ASH2L: variants seen among roughly 807,000 people sequenced by gnomAD.
The protein encoded by ASH2L is set1/Ash2 histone methyltransferase complex subunit ASH2.
A neutral mutation model predicts 81.1 loss-of-function variants in ASH2L; 30 were observed. The ratio of observed to expected loss-of-function variants is 0.37; its 90% CI spans 0.28 to 0.50. The LOEUF (loss-of-function observed/expected upper bound fraction) is 0.50. Ranked by LOEUF, ASH2L falls within the 20% of genes least tolerant of loss-of-function variation. The probability of loss-of-function intolerance (pLI) is 0.95; values close to 1 mark genes in which losing one functional copy is unlikely to be tolerated. For missense variants in ASH2L, 559 were observed against 792.1 expected (o/e 0.71, Z 3.53); for synonymous variants, 273 against 279.9 (o/e 0.98, Z 0.24).
At chr8:38,133,417 G>A (rs1009914085) in intron 12 of ASH2L, 37 bp from the exon 13 acceptor site, 28 of 1,466,176 alleles carry the variant, frequency 1.9e-5, no homozygotes, top group Non-Finnish European at 2.4e-5. Flanking sequence ...TGGAGCTGAT[G>A]CTTTATTGTG....
intron 12 of ASH2L, among the ~76,000 whole-genome samples, chr8:38,129,842 C>T (rs1263385894): frequency 2.0e-5 from 3 of 152,144 alleles, no homozygotes; most frequent in African/African-American, 7.2e-5. Flanking sequence ...CATGAATGTG[C>T]CCCAGTGTGT....
Position 38,105,570 on chromosome 8 carries a change from G to T in ASH2L, c.20G>T (p.Gly7Val). 1.3e-6 allele frequency: 2 copies of T among 1,580,298 alleles called. No homozygotes were observed. Among genetic ancestry groups the T allele is most frequent in the South Asian group, 2.3e-5 (2 of 88,112 alleles). Residue 7 changes from glycine (G) to valine (V), a missense_variant, in exon 1 of 16, where the codon GGA (glycine) becomes GTA (valine). Coordinates refer to ENST00000343823, the MANE Select transcript of ASH2L (RefSeq NM_004674.5). ...GCCGTGATGGCGGCGGCAGGAGCAGGACCTGGCCAGGAAGCGGGTGCCGGG... is the reference window on the plus strand; with the variant it reads ...GCCGTGATGGCGGCGGCAGGAGCAGTACCTGGCCAGGAAGCGGGTGCCGGG... MAAAGA[G>V]PGQEAGAGPG...
intron 2 of ASH2L, 71 bp from the exon 3 acceptor site, chr8:38,106,950 T>C (rs1424904631): frequency 2.5e-6 from 4 of 1,573,098 alleles, no homozygotes; most frequent in East Asian, 2.4e-5. Context: ...GACCCCCGTC[T>C]CTTAAAAAAA....
rs752807688 is a variant in ASH2L, at chr8:38,128,890, A to C, written c.1466A>C (p.Tyr489Ser). 6.2e-7 allele frequency: 1 copy of C among 1,614,120 alleles called. No homozygotes were observed. The highest frequency in any genetic ancestry group is 1.1e-5 in the South Asian group (1 of 91,078). Residue 489 changes from tyrosine to serine, a missense_variant, in exon 12 of 16, where the codon TAT (tyrosine) becomes TCT (serine). Around this residue, in one of 4 missense-constraint regions of ASH2L, gnomAD observed 318 missense variants for 527.0 expected, o/e 0.60. Coordinates refer to ENST00000343823, the MANE Select transcript of ASH2L (RefSeq NM_004674.5). ...GGACAGGGAGACGTCCTGGGATTTT[A>C]TATTAATCTTCCTGAAGACACAGAG... ...GYGQGDVLGF[Y>S]INLPEDTETA... is the part of the protein sequence containing the mutation.
chr8:38,116,322 C>A lies in ASH2L; in HGVS notation c.778-328C>A, dbSNP rs138203671. On this transcript the variant is annotated intron_variant, in intron 7 of 15. Transcript: ENST00000343823. The stretch of plus-strand genomic sequence containing the variant: ...CAGAGGTTGCAGTAAGCCGATATCG[C>A]GCCACTGCACTCCAGCCTGGGTGAC... Among the ~76,000 whole-genome samples the A allele has an allele frequency of 1.0e-3, 157 of 152,142 alleles. 1 individual carries two copies. The highest frequency in any genetic ancestry group is 3.5e-3 in the African/African-American group (147 of 41,500).
intron 12 of ASH2L, 124 bp from the exon 13 acceptor site, chr8:38,133,330 G>A (rs1802133603): frequency 1.5e-6 from 1 of 679,852 alleles, no homozygotes; most frequent in Non-Finnish European, 2.5e-6. Flanking sequence ...AAACTCAACT[G>A]CAAAGATTTT....
At chr8:38,123,277 G>T (rs1156531060) in intron 10 of ASH2L, 1 of 151,512 alleles carries the variant, frequency 6.6e-6, no homozygotes. Flanking sequence ...GTAGAGACGG[G>T]GTTTCACCGT....
At chr8:38,126,458 G>A (rs1162034420) in intron 10 of ASH2L, among the ~76,000 whole-genome samples, 1 of 152,116 alleles carries the variant, frequency 6.6e-6, no homozygotes, top group Non-Finnish European at 1.5e-5. Context: ...TAGTATTATT[G>A]TTAATTTTCT....
chr8:38,127,100 T>C (rs1801878863), intron 10 of ASH2L, among the ~76,000 whole-genome samples: 1 of 150,932 alleles, frequency 6.6e-6, no homozygotes, highest in African/African-American at 2.4e-5. Flanking sequence ...AAATCAAGGC[T>C]GTAGTGAGTC....
intron 3 of ASH2L, among the ~76,000 whole-genome samples, chr8:38,108,034 A>G (rs1810525602): frequency 6.6e-6 from 1 of 152,024 alleles, no homozygotes; most frequent in African/African-American, 2.4e-5. Flanking sequence ...TTCTGAGCTC[A>G]AGGGATCCTC....
chr8:38,122,905 A>C (rs997853932), intron 10 of ASH2L, among the ~76,000 whole-genome samples: 1 of 149,928 alleles, frequency 6.7e-6, no homozygotes, highest in Non-Finnish European at 1.5e-5. Context: ...CACCACACCT[A>C]GCTGGGTTTT....
intron 2 of ASH2L, 62 bp downstream of exon 2, chr8:38,106,506 C>CTTCT: frequency 1.0e-6 from 1 of 966,532 alleles, no homozygotes; most frequent in Non-Finnish European, 1.5e-6. Context: ...TCTTCTTCTT[C>CTTCT]TTTTTTTTTT....
chr8:38,116,425 C>T (rs192009481), intron 7 of ASH2L, among the ~76,000 whole-genome samples: 3 of 152,018 alleles, frequency 2.0e-5, no homozygotes, highest in East Asian at 1.9e-4. Context: ...CCCAGCTACT[C>T]GGGAGGGTAA....
At chr8:38,122,765 T>TA (rs1801685414) in intron 10 of ASH2L, among the ~76,000 whole-genome samples, 1 of 152,210 alleles carries the variant, frequency 6.6e-6, no homozygotes, top group Non-Finnish European at 1.5e-5. Context: ...TTTATTTTGT[T>TA]ATAGAGATCA....
intron 12 of ASH2L, among the ~76,000 whole-genome samples, chr8:38,131,197 A>G (rs1182696798): frequency 6.6e-6 from 1 of 152,148 alleles, no homozygotes; most frequent in Non-Finnish European, 1.5e-5. Flanking sequence ...ATATCACACT[A>G]GTGACTTATT....
intron 1 of ASH2L, 73 bp downstream of exon 1, chr8:38,105,811 C>A: frequency 1.4e-6 from 2 of 1,475,008 alleles, no homozygotes; most frequent in Non-Finnish European, 1.8e-6. Flanking sequence ...GCTCCTGGAG[C>A]CCTGCCGCCC....
At chr8:38,133,669 TGG>T (rs1802147476) in intron 13 of ASH2L, 123 bp downstream of exon 13, 1 of 715,824 alleles carries the variant, frequency 1.4e-6, no homozygotes, top group Non-Finnish European at 2.3e-6. Context: ...GTAGCCCCAC[TGG>T]CCAGCGGCAA....
At chr8:38,105,829 G>A in intron 1 of ASH2L, 91 bp downstream of exon 1, 4 of 1,453,004 alleles carry the variant, frequency 2.8e-6, no homozygotes, top group Non-Finnish European at 3.6e-6. Context: ...CCCGCCCCCT[G>A]CGAACCCAGG....
intron 11 of ASH2L, 141 bp from the exon 12 acceptor site, chr8:38,128,617 A>G: frequency 6.8e-7 from 1 of 1,465,684 alleles, no homozygotes; most frequent in Non-Finnish European, 9.1e-7. Flanking sequence ...TATTTTTGTA[A>G]TTCTTTGCTT....
Sources: gnomAD v4.1 joint callset for allele counts (sites outside exome capture counted in the v4.1 genomes callset) on GRCh38, gnomAD v4.1.1 for gene constraint, gnomAD v4.1.1 regional missense constraint, MANE v1.5 for transcripts, NCBI Gene and HGNC (gene_info 2026-07-23, HGNC 2026-07-21) for gene names.